Variants in TSPAN9 observed in about 807,000 individuals in gnomAD.
TSPAN9 encodes the protein tetraspanin-9.
In TSPAN9, 16 loss-of-function variants were observed where a neutral mutation model predicts 31.0. That is an observed-to-expected ratio of 0.52 (90% CI 0.35 to 0.78). TSPAN9 has a LOEUF of 0.78. Among genes scored for constraint, TSPAN9 ranks in the 30% least tolerant of loss-of-function variants. The pLI is 0.01. For synonymous variants in TSPAN9, 145 were observed against 121.6 expected, an observed-to-expected ratio of 1.19 and a Z score of -1.27; for missense variants, 272 against 312.5, an observed-to-expected ratio of 0.87 and a Z score of 0.98.
intron 2 of TSPAN9, among the ~76,000 whole-genome samples, chr12:3,182,755 C>A (rs118175286): frequency 0.015 from 2,307 of 152,214 alleles, 26 homozygotes; most frequent in Middle Eastern, 0.031. Context: ...GACCACCAGG[C>A]GGGGATCTGT....
At chr12:3,212,619 A>C (rs144905918) in intron 3 of TSPAN9, among the ~76,000 whole-genome samples, 1 of 152,172 alleles carries the variant, frequency 6.6e-6, no homozygotes, top group African/African-American at 2.4e-5. Flanking sequence ...CCCAGGGTTC[A>C]GCTGAGCTCT....
rs568297212 is a variant in TSPAN9, at chr12:3,143,417, T to A, written c.-17-57760T>A. Among the ~76,000 whole-genome samples, 2 of 151,972 alleles carry A rather than the reference T, an allele frequency of 1.3e-5. No homozygotes were observed. The highest frequency in any genetic ancestry group is 3.9e-4 in the East Asian group (2 of 5,178). ...CAGGGGTTTTTGCTTGCAGCTCTTA[T>A]AATTGTGGTGTTTGCCTAATGGTAA... On this transcript the variant is annotated intron_variant, in intron 2 of 8. Coordinates refer to ENST00000011898, the MANE Select transcript of TSPAN9 (RefSeq NM_006675.5). The surrounding 1 kb of genome is among the most constrained non-coding windows in gnomAD (Gnocchi z 4.2).
At chr12:3,189,365 AAGCTTG>A (rs1205048317) in intron 2 of TSPAN9, among the ~76,000 whole-genome samples, 1 of 152,176 alleles carries the variant, frequency 6.6e-6, no homozygotes, top group Non-Finnish European at 1.5e-5. Context: ...CCCCAGTGAC[AAGCTTG>A]AGTATTTGTG....
At chr12:3,220,162 A>C (rs895008990) in intron 3 of TSPAN9, among the ~76,000 whole-genome samples, 1 of 151,676 alleles carries the variant, frequency 6.6e-6, no homozygotes, top group African/African-American at 2.4e-5. Flanking sequence ...AAAAAAAAGG[A>C]ATGAATCTAG....
intron 3 of TSPAN9, among the ~76,000 whole-genome samples, chr12:3,256,325 C>G (rs1218499278): frequency 6.6e-6 from 1 of 152,242 alleles, no homozygotes; most frequent in African/African-American, 2.4e-5. Context: ...CTCAACTCAT[C>G]AGAGATGACA....
chr12:3,130,009 C>T (rs1166069302), intron 2 of TSPAN9, among the ~76,000 whole-genome samples: 1 of 152,228 alleles, frequency 6.6e-6, no homozygotes, highest in Non-Finnish European at 1.5e-5. Flanking sequence ...CATCCTCTTT[C>T]TTGCGTGGAT....
At chr12:3,099,788 C>T (rs2098310924) in intron 2 of TSPAN9, among the ~76,000 whole-genome samples, 1 of 151,662 alleles carries the variant, frequency 6.6e-6, no homozygotes, top group Non-Finnish European at 1.5e-5. Flanking sequence ...GCTAAGGCAA[C>T]ACCCTTCAGA....
intron 1 of TSPAN9, among the ~76,000 whole-genome samples, chr12:3,078,038 A>G (rs1274036004): frequency 6.6e-6 from 1 of 152,250 alleles, no homozygotes; most frequent in Non-Finnish European, 1.5e-5. Flanking sequence ...GATCCAAACA[A>G]GAAACCGGCT....
At chr12:3,099,584 A>T (rs1401818142) in intron 2 of TSPAN9, among the ~76,000 whole-genome samples, 1 of 152,060 alleles carries the variant, frequency 6.6e-6, no homozygotes, top group Non-Finnish European at 1.5e-5. Flanking sequence ...CTGATTTTTA[A>T]TTGGATGCCA....
intron 2 of TSPAN9, among the ~76,000 whole-genome samples, chr12:3,182,995 A>C (rs576134552): frequency 6.6e-6 from 1 of 152,316 alleles, no homozygotes; most frequent in Admixed American, 6.5e-5. Context: ...TGAGGCTCGG[A>C]ATACTGGGGA....
chr12:3,268,488 C>CCGTGCATT (rs1862587288), intron 3 of TSPAN9, among the ~76,000 whole-genome samples: 1 of 138,202 alleles, frequency 7.2e-6, no homozygotes, highest in African/African-American at 2.7e-5. Context: ...AGCCTGCCCT[C>CCGTGCATT]TCTGTGTTCC....
chr12:3,233,871 G>C (rs1021580985), intron 3 of TSPAN9, among the ~76,000 whole-genome samples: 88 of 152,188 alleles, frequency 5.8e-4, no homozygotes, highest in African/African-American at 2.1e-3. Context: ...GGCTATAGAG[G>C]TGTGTCTGTC....
At chr12:3,110,013 CAGG>C (rs2098317603) in intron 2 of TSPAN9, among the ~76,000 whole-genome samples, 2 of 152,108 alleles carry the variant, frequency 1.3e-5, no homozygotes, top group Non-Finnish European at 2.9e-5. Flanking sequence ...GGGCTGAAAA[CAGG>C]AGGTCAGGTT....
In TSPAN9 at chr12:3,213,699, T is replaced by A. The variant is rs149366230; in HGVS notation, c.63+12443T>A. Among the ~76,000 whole-genome samples the A allele has an allele frequency of 7.3e-4, 111 of 152,026 alleles. No individual in the cohort carries two copies. In the East Asian group the frequency reaches 0.018, roughly 24 times the overall value. Reference sequence around the variant, plus strand: ...GCTGGGAGGAGGGGAGTCTGAAAAGTGCATATTTCACAAAAGCCACTCCGT... The same window carrying A: ...GCTGGGAGGAGGGGAGTCTGAAAAGAGCATATTTCACAAAAGCCACTCCGT... On this transcript the variant is annotated intron_variant, in intron 3 of 8. Transcript: ENST00000011898.
chr12:3,281,394 C>T (rs371667505), intron 7 of TSPAN9, 65 bp downstream of exon 7: 2 of 1,485,734 alleles, frequency 1.3e-6, no homozygotes, highest in African/African-American at 2.8e-5. Flanking sequence ...CACGGGGAGC[C>T]CTATAGGGGA....
chr12:3,105,431 TAAA>T (rs35039490), intron 2 of TSPAN9, among the ~76,000 whole-genome samples: 2 of 134,460 alleles, frequency 1.5e-5, no homozygotes, highest in Admixed American at 1.5e-4. Context: ...TTCCTTGTCT[TAAA>T]AAAAAAAAAA....
intron 2 of TSPAN9, among the ~76,000 whole-genome samples, chr12:3,137,557 C>G (rs2098332680): frequency 1.3e-5 from 2 of 152,180 alleles, no homozygotes; most frequent in Admixed American, 1.3e-4. Flanking sequence ...GTGCTACCCC[C>G]TGGGTTGCAG....
At chr12:3,134,402 A>G (rs1219448042) in intron 2 of TSPAN9, among the ~76,000 whole-genome samples, 1 of 152,224 alleles carries the variant, frequency 6.6e-6, no homozygotes, top group Admixed American at 6.5e-5. Context: ...CATTGTATAA[A>G]TGGGGAACTT....
intron 8 of TSPAN9, 180 bp downstream of exon 8, chr12:3,281,997 G>A (rs758042901): frequency 1.7e-5 from 13 of 770,950 alleles, no homozygotes; most frequent in Non-Finnish European, 3.0e-5. Flanking sequence ...ATGAGAGCAC[G>A]TGTCTACTCA....
Sources: allele counts gnomAD v4.1 joint callset (sites outside exome capture counted in the v4.1 genomes callset), GRCh38; gene constraint gnomAD v4.1.1; non-coding constraint Gnocchi (gnomAD v3.1); transcripts MANE v1.5; gene names NCBI Gene and HGNC (gene_info 2026-07-23, HGNC 2026-07-21).